Variants in PTPRN2 observed in about 807,000 individuals in gnomAD.
PTPRN2 encodes the protein receptor-type tyrosine-protein phosphatase N2.
In PTPRN2, 74 loss-of-function variants were observed where a neutral mutation model predicts 118.8. The observed-to-expected ratio is 0.62, with a 90% CI of 0.52 to 0.76. PTPRN2 has a LOEUF of 0.76. Among genes scored for constraint, PTPRN2 ranks in the 30% least tolerant of loss-of-function variants. PTPRN2 has a pLI of 0.00. For missense variants in PTPRN2, 1,481 were observed against 1,394.4 expected (o/e 1.06, Z -0.99); for synonymous variants, 641 against 608.0 (o/e 1.05, Z -0.80).
chr7:157,655,572 C>T (rs1806016554), intron 14 of PTPRN2, among the ~76,000 whole-genome samples: 4 of 152,204 alleles, frequency 2.6e-5, no homozygotes, highest in African/African-American at 7.2e-5. Flanking sequence ...TTCCCTGACC[C>T]GTAAGTGCAG....
intron 1 of PTPRN2, among the ~76,000 whole-genome samples, chr7:158,510,443 ACTCT>A (rs10581746): frequency 0.64 from 94,775 of 147,336 alleles, 30,387 homozygotes; most frequent in Non-Finnish European, 0.7. Context: ...GTGTGTGTTT[ACTCT>A]CTCTCTCTCT....
rs544719084 is a variant in PTPRN2 at position 157,966,113 on chromosome 7, TCTCA to T, written c.1724-67380_1724-67377del. ...GAGTACTCAGCCACATTGAACTTCT[TCTCA>T]CTAAGAAAAGTTATCTCGGTGGCCT... is the stretch of plus-strand genomic sequence containing the variant. On this transcript the variant is annotated intron_variant, in intron 11 of 22. Transcript: ENST00000389418. Among the ~76,000 whole-genome samples, 78 of 151,920 alleles carry T rather than the reference TCTCA, an allele frequency of 5.1e-4. No individual in the cohort carries two copies. The South Asian group carries it at 0.016, about 31-fold the overall frequency.
At position 158,337,799 on chromosome 7, in the gene PTPRN2, AGAG is replaced by A. The variant is rs1394147988; in HGVS notation, c.164-20870_164-20868del. Among the ~76,000 whole-genome samples the A allele has an allele frequency of 2.3e-4, 3 of 13,246 alleles. 1 individual carries two copies. The highest frequency in any genetic ancestry group is 4.7e-4 in the Non-Finnish European group (2 of 4,266). 8.7% of individuals were successfully genotyped at this position (13,246 alleles called of 152,430 possible). The stretch of plus-strand genomic sequence containing the variant: ...CACTCACACCCACACTCTCACCATA[AGAG>A]GTGACGCCCATAGACGTCACTCACA... On this transcript the variant is annotated intron_variant, in intron 2 of 22. Coordinates refer to ENST00000389418, the MANE Select transcript of PTPRN2 (RefSeq NM_002847.5).
intron 3 of PTPRN2, among the ~76,000 whole-genome samples, chr7:158,268,784 C>A (rs1325816578): frequency 9.2e-6 from 1 of 108,172 alleles, no homozygotes; most frequent in African/African-American, 4.0e-5. Context: ...CCCAGCCGCA[C>A]ACACACAGGG....
intron 11 of PTPRN2, among the ~76,000 whole-genome samples, chr7:157,935,400 G>T (rs1053592933): frequency 3.3e-5 from 5 of 152,070 alleles, no homozygotes; most frequent in African/African-American, 1.2e-4. Flanking sequence ...TCATTCTTCT[G>T]CAGTCTCTGA....
At chr7:158,177,889 T>A (rs2150645245) in intron 5 of PTPRN2, among the ~76,000 whole-genome samples, 1 of 152,380 alleles carries the variant, frequency 6.6e-6, no homozygotes, top group Non-Finnish European at 1.5e-5. Context: ...AGAAGTGGGA[T>A]GGAGGGATCA....
chr7:158,350,964 T>A (rs1244789381), intron 2 of PTPRN2, among the ~76,000 whole-genome samples: 1 of 152,218 alleles, frequency 6.6e-6, no homozygotes, highest in Non-Finnish European at 1.5e-5. Context: ...CCGGCACACC[T>A]GTGGCCCATT....
At position 158,487,433 on chromosome 7, in the gene PTPRN2, C is replaced by T. The variant is rs1326141475; in HGVS notation, c.163+2302G>A. ...CAATTTCTCCACATTCTCACCAACA[C>T]CGATTTTCAGGGGTTTTTTAATACT... On this transcript the variant is annotated intron_variant, in intron 2 of 22. Transcript: ENST00000389418. 2.0e-5 allele frequency among the ~76,000 whole-genome samples: 3 copies of T among 152,182 alleles called. No homozygotes were observed. In the East Asian group the frequency reaches 5.8e-4, roughly 29 times the overall value.
intron 12 of PTPRN2, among the ~76,000 whole-genome samples, chr7:157,746,451 A>G (rs1157906073): frequency 1.4e-5 from 2 of 141,068 alleles, no homozygotes; most frequent in African/African-American, 5.4e-5. Flanking sequence ...GACTCCCTAC[A>G]CCCTACAGTA....
At chr7:158,330,043 G>A (rs1250445923) in intron 2 of PTPRN2, among the ~76,000 whole-genome samples, 5 of 148,164 alleles carry the variant, frequency 3.4e-5, no homozygotes, top group South Asian at 2.2e-4. Flanking sequence ...GACATCTGCA[G>A]ACGTCACTCA....
chr7:158,350,274 T>C (rs1231505037), intron 2 of PTPRN2, among the ~76,000 whole-genome samples: 2 of 152,160 alleles, frequency 1.3e-5, no homozygotes, highest in African/African-American at 4.8e-5. Context: ...CCGCTCCCTC[T>C]GGCAGGAACA....
chr7:158,396,313 A>C lies in PTPRN2; in HGVS notation c.164-79381T>G, dbSNP rs376447773. 1.6e-4 allele frequency among the ~76,000 whole-genome samples: 24 copies of C among 152,352 alleles called. 1 individual carries two copies. In the South Asian group the frequency reaches 5.0e-3, roughly 32 times the overall value. On this transcript the variant is annotated intron_variant, in intron 2 of 22. Coordinates refer to ENST00000389418, the MANE Select transcript of PTPRN2 (RefSeq NM_002847.5). Reference sequence around the variant, plus strand: ...TGCTGGGGAAATGATTAATGCATATATCTCTATTTCAAACCCGCAAAAGGA... The same window carrying C: ...TGCTGGGGAAATGATTAATGCATATCTCTCTATTTCAAACCCGCAAAAGGA...
At chr7:158,190,023 A>T (rs555824527) in intron 5 of PTPRN2, among the ~76,000 whole-genome samples, 1 of 152,216 alleles carries the variant, frequency 6.6e-6, no homozygotes, top group Admixed American at 6.5e-5. Flanking sequence ...GATTCCTCTC[A>T]TCAGAGTCGG....
intron 2 of PTPRN2, among the ~76,000 whole-genome samples, chr7:158,331,559 G>A (rs1804452545): frequency 7.0e-6 from 1 of 141,956 alleles, no homozygotes; most frequent in Non-Finnish European, 1.5e-5. Context: ...GACACCCGCA[G>A]ACGTCACTCA....
rs1163105954 is a variant in PTPRN2, at chr7:157,671,180, C to A, written c.2001+11545G>T. ...GTTCAATGTATCGATTCATTCTTATCGAGCATGTAAAGGTCCCCGGTGGGT... is the reference window on the plus strand; with the variant it reads ...GTTCAATGTATCGATTCATTCTTATAGAGCATGTAAAGGTCCCCGGTGGGT... On this transcript the variant is annotated intron_variant, in intron 13 of 22. Transcript: ENST00000389418. This position sits in a 1 kb window ranked among gnomAD's most constrained non-coding sequence, Gnocchi z 4.1. Among the ~76,000 whole-genome samples the A allele has an allele frequency of 1.3e-5, 2 of 151,356 alleles. No individual in the cohort carries two copies. The highest frequency in any genetic ancestry group is 2.4e-5 in the African/African-American group (1 of 41,246).
At chr7:158,202,112 A>T (rs575001475) in intron 4 of PTPRN2, among the ~76,000 whole-genome samples, 1 of 152,374 alleles carries the variant, frequency 6.6e-6, no homozygotes, top group African/African-American at 2.4e-5. Flanking sequence ...ACAACAGTGT[A>T]AGCATATTTT....
rs201238698 is a variant in PTPRN2, at chr7:157,742,483, T to TG, written c.1789-59547dup. Among the ~76,000 whole-genome samples, 1,367 of 150,142 alleles carry TG rather than the reference T, an allele frequency of 9.1e-3. 14 individuals are homozygous for TG. The highest frequency in any genetic ancestry group is 0.016 in the Non-Finnish European group (1,057 of 67,544). On this transcript the variant is annotated intron_variant, in intron 12 of 22. Coordinates refer to ENST00000389418, the MANE Select transcript of PTPRN2 (RefSeq NM_002847.5). ...AGAGACTACTTGATGAGCTGACTTC[T>TG]GTTTTTTTTTTTTTTTCCAGAAGTG... is the stretch of plus-strand genomic sequence containing the variant.
intron 12 of PTPRN2, among the ~76,000 whole-genome samples, chr7:157,789,306 A>G (rs1388561953): frequency 6.6e-6 from 1 of 151,906 alleles, no homozygotes; most frequent in Non-Finnish European, 1.5e-5. Flanking sequence ...GCTGGCTTCT[A>G]CTGTTTCTAA....
intron 2 of PTPRN2, among the ~76,000 whole-genome samples, chr7:158,335,812 T>C (rs371178807): frequency 1.2e-4 from 1 of 8,296 alleles, no homozygotes; most frequent in Non-Finnish European, 2.7e-4. Flanking sequence ...AGGTGACACC[T>C]GCAGACGTCA....
Sources: gnomAD v4.1 joint callset for allele counts (sites outside exome capture counted in the v4.1 genomes callset) on GRCh38, gnomAD v4.1.1 for gene constraint, Gnocchi (gnomAD v3.1) non-coding constraint, MANE v1.5 for transcripts, NCBI Gene and HGNC (gene_info 2026-07-23, HGNC 2026-07-21) for gene names.